Variants in IL2RA observed in about 807,000 individuals in gnomAD.
The protein encoded by IL2RA is interleukin-2 receptor subunit alpha.
A neutral mutation model predicts 37.8 loss-of-function variants in IL2RA; 24 were observed. That is an observed-to-expected ratio of 0.63 (90% CI 0.46 to 0.89). The LOEUF (loss-of-function observed/expected upper bound fraction) is 0.89. IL2RA is among the 40% of genes least tolerant of loss of function. IL2RA has a pLI of 0.00. For synonymous variants in IL2RA, 125 were observed against 114.6 expected (o/e 1.09, Z -0.58); for missense variants, 319 against 348.6 (o/e 0.92, Z 0.68).
At position 6,048,469 on chromosome 10, in the gene IL2RA, T is replaced by C. The variant is rs1839900227; in HGVS notation, c.64+13619A>G. Among the ~76,000 whole-genome samples the C allele has an allele frequency of 6.6e-6, 1 of 152,238 alleles. No homozygotes were observed. On this transcript the variant is annotated intron_variant, in intron 1 of 7. Transcript: ENST00000379959. This position sits in a 1 kb window ranked among gnomAD's most constrained non-coding sequence, Gnocchi z 5.3. ...CGGAAAGGTCCGAGGGAAGGGCCTTTGGCCATGCAGACTAGAAGCCCAGCA... is the reference window on the plus strand; with the variant it reads ...CGGAAAGGTCCGAGGGAAGGGCCTTCGGCCATGCAGACTAGAAGCCCAGCA...
In IL2RA at chr10:6,015,816, A is replaced by G. The variant is rs1468847494; in HGVS notation, c.794+2237T>C. ...GATGCATATGTATTAGATACATCTG[A>G]GGGGCTTTAAAACGTACGACTATCC... On this transcript the variant is annotated intron_variant, in intron 7 of 7. Transcript: ENST00000379959. This position sits in a 1 kb window ranked among gnomAD's most constrained non-coding sequence, Gnocchi z 4.9. Among the ~76,000 whole-genome samples, 2 of 152,140 alleles carry G rather than the reference A, an allele frequency of 1.3e-5. No individual in the cohort carries two copies. Among genetic ancestry groups the G allele is most frequent in the African/African-American group, 2.4e-5 (1 of 41,426 alleles).
chr10:6,012,406 A>G lies in IL2RA; in HGVS notation c.*466T>C, dbSNP rs1839204403. On this transcript the variant is annotated 3_prime_UTR_variant, in exon 8 of 8. Transcript: ENST00000379959. The surrounding 1 kb of genome is among the most constrained non-coding windows in gnomAD (Gnocchi z 4.8). Reference sequence around the variant, plus strand: ...AGCGGCTGAGAAAGGAACCACGCAGACAATGTCCAGTTGTATAGGGTAGAG... The same window carrying G: ...AGCGGCTGAGAAAGGAACCACGCAGGCAATGTCCAGTTGTATAGGGTAGAG... 6.0e-6 allele frequency: 1 copy of G among 167,768 alleles called. No individual in the cohort carries two copies. The highest frequency in any genetic ancestry group is 1.6e-4 in the South Asian group (1 of 6,330). The allele number at this position is 167,768 out of a possible 1,614,324, so 10.4% of individuals were successfully genotyped here. A position where few individuals can be genotyped will look rare whatever the true frequency, so the allele number is the denominator to read the frequency against.
intron 1 of IL2RA, among the ~76,000 whole-genome samples, chr10:6,061,197 T>C (rs1424584446): frequency 6.6e-6 from 1 of 152,070 alleles, no homozygotes; most frequent in African/African-American, 2.4e-5. Context: ...AAGACCAGCT[T>C]GGGCAACATG....
chr10:6,053,957 C>T (rs74394639), intron 1 of IL2RA, among the ~76,000 whole-genome samples: 359 of 152,352 alleles, frequency 2.4e-3, no homozygotes, highest in Non-Finnish European at 4.0e-3. Context: ...CGAGCTCATC[C>T]GGCCACACCT....
rs911677386 is a variant in IL2RA, at chr10:6,046,326, A to C, written c.64+15762T>G. Reference sequence around the variant, plus strand: ...GGTCCTGGCGCTTTCAGATACTACCATGATCTGCTAGTCTACTGTGATTTT... The same window carrying C: ...GGTCCTGGCGCTTTCAGATACTACCCTGATCTGCTAGTCTACTGTGATTTT... On this transcript the variant is annotated intron_variant, in intron 1 of 7. Coordinates refer to ENST00000379959, the MANE Select transcript of IL2RA (RefSeq NM_000417.3). The surrounding 1 kb of genome is among the most constrained non-coding windows in gnomAD (Gnocchi z 4.8). Among the ~76,000 whole-genome samples, 1 of 152,188 alleles carries C rather than the reference A, an allele frequency of 6.6e-6. No homozygotes were observed. Among genetic ancestry groups the C allele is most frequent in the African/African-American group, 2.4e-5 (1 of 41,446 alleles).
At chr10:6,050,014 G>C (rs147873573) in intron 1 of IL2RA, among the ~76,000 whole-genome samples, 4 of 152,270 alleles carry the variant, frequency 2.6e-5, no homozygotes, top group South Asian at 2.1e-4. Flanking sequence ...TATGTGCTGA[G>C]GGAACAGTCT....
intron 1 of IL2RA, among the ~76,000 whole-genome samples, chr10:6,050,513 G>A (rs112720474): frequency 0.018 from 2,694 of 152,174 alleles, 86 homozygotes; most frequent in African/African-American, 0.061. Flanking sequence ...TGGCGATGGG[G>A]CATGCCTGTA....
rs562926945 is a variant in IL2RA at position 6,015,476 on chromosome 10, G to A, written c.794+2577C>T. On this transcript the variant is annotated intron_variant, in intron 7 of 7. Transcript: ENST00000379959. This position sits in a 1 kb window ranked among gnomAD's most constrained non-coding sequence, Gnocchi z 4.9. ...CAGCGTCAGTATCACCTGGGAACCT[G>A]ATAGAAATACAGATTCCTGGACCTA... Among the ~76,000 whole-genome samples, 1 of 152,296 alleles carries A rather than the reference G, an allele frequency of 6.6e-6. No homozygotes were observed. The highest frequency in any genetic ancestry group is 2.1e-4 in the South Asian group (1 of 4,826).
In IL2RA at chr10:6,035,578, A is replaced by G. The variant is rs560804120; in HGVS notation, c.65-9553T>C. ...CTGGACACTGTTAAGGTGAGAAAAGAAAAGAAATCGGGGCTCCCAGGAGGA... is the reference window on the plus strand; with the variant it reads ...CTGGACACTGTTAAGGTGAGAAAAGGAAAGAAATCGGGGCTCCCAGGAGGA... On this transcript the variant is annotated intron_variant, in intron 1 of 7. Transcript: ENST00000379959. This position sits in a 1 kb window ranked among gnomAD's most constrained non-coding sequence, Gnocchi z 5.4. Among the ~76,000 whole-genome samples the G allele has an allele frequency of 1.3e-5, 2 of 152,300 alleles. No individual in the cohort carries two copies. The highest frequency in any genetic ancestry group is 3.9e-4 in the East Asian group (2 of 5,162).
rs570123013 is a variant in IL2RA at position 6,057,303 on chromosome 10, G to A, written c.64+4785C>T. Reference sequence around the variant, plus strand: ...AGCAGTGGGTCATGCTGGCTGCCAGGCAGTACTTCTTCAGAGCTGGAAATA... The same window carrying A: ...AGCAGTGGGTCATGCTGGCTGCCAGACAGTACTTCTTCAGAGCTGGAAATA... On this transcript the variant is annotated intron_variant, in intron 1 of 7. Transcript: ENST00000379959. This position sits in a 1 kb window ranked among gnomAD's most constrained non-coding sequence, Gnocchi z 4.8. 2.3e-4 allele frequency among the ~76,000 whole-genome samples: 35 copies of A among 152,304 alleles called. No individual in the cohort carries two copies. The highest frequency in any genetic ancestry group is 7.9e-4 in the African/African-American group (33 of 41,564).
chr10:6,025,944 C>T lies in IL2RA; in HGVS notation c.146G>A (p.Cys49Tyr). The T allele has an allele frequency of 6.2e-7, 1 of 1,614,190 alleles. No homozygotes were observed. The highest frequency in any genetic ancestry group is 8.5e-7 in the Non-Finnish European group (1 of 1,180,030). The part of the protein sequence containing the change: ...MAYKEGTMLN[C>Y]ECKRGFRRIK... ...TCTGCGGAAACCTCTCTTGCATTCA[C>T]AGTTCAACATGGTTCCTTCCTTGTA... Residue 49 changes from cysteine to tyrosine, a missense_variant, in exon 2 of 8, where the codon TGT becomes TAT. By Grantham distance (194) the Cys-to-Tyr change is radical. Transcript: ENST00000379959. This position sits in a 1 kb window ranked among gnomAD's most constrained non-coding sequence, Gnocchi z 4.4.
rs1840076989 is a variant in IL2RA at position 6,058,236 on chromosome 10, G to C, written c.64+3852C>G. ...ATCAGGGGAGTGGGGTGGAGTAGTG[G>C]AGTTTTAGAGCTCAGCAACCGTTCT... On this transcript the variant is annotated intron_variant, in intron 1 of 7. Coordinates refer to ENST00000379959, the MANE Select transcript of IL2RA (RefSeq NM_000417.3). The surrounding 1 kb of genome is among the most constrained non-coding windows in gnomAD (Gnocchi z 4.2). 6.6e-6 allele frequency among the ~76,000 whole-genome samples: 1 copy of C among 152,186 alleles called. No homozygotes were observed. The highest frequency in any genetic ancestry group is 2.4e-5 in the African/African-American group (1 of 41,444).
intron 7 of IL2RA, chr10:6,016,990 CA>C (rs1252128200): frequency 1.3e-5 from 2 of 152,440 alleles, no homozygotes; most frequent in Non-Finnish European, 2.9e-5. Context: ...AGATTCCCCC[CA>C]AATTCAAAGT....
In IL2RA at chr10:6,024,401, A is replaced by T. The variant is rs12722690; in HGVS notation, c.257-47T>A. On this transcript the variant is annotated intron_variant, in intron 2 of 7. Transcript: ENST00000379959. ...ATGCAGATAATTTCACAAATGCTTC[A>T]TAGAAAACACTGTTCATGTATTCAT... 3.3e-4 allele frequency: 436 copies of T among 1,337,876 alleles called. 4 individuals carry two copies. In the African/African-American group the frequency reaches 5.2e-3, roughly 16 times the overall value. The allele number at this position is 1,337,876 out of a possible 1,614,324, so 82.9% of individuals were successfully genotyped here. A position where few individuals can be genotyped will look rare whatever the true frequency, so the allele number is the denominator to read the frequency against.
chr10:6,028,948 G>A lies in IL2RA; in HGVS notation c.65-2923C>T, dbSNP rs1440337137. ...TGGGAGGTGGAGGTTGCAGTCAGCC[G>A]AGCACCCCAGCCTGGGTTACAGAGT... On this transcript the variant is annotated intron_variant, in intron 1 of 7. Transcript: ENST00000379959. The surrounding 1 kb of genome is among the most constrained non-coding windows in gnomAD (Gnocchi z 4.1). Among the ~76,000 whole-genome samples, 3 of 147,874 alleles carry A rather than the reference G, an allele frequency of 2.0e-5. No homozygotes were observed. The highest frequency in any genetic ancestry group is 4.5e-5 in the Non-Finnish European group (3 of 67,300).
intron 1 of IL2RA, among the ~76,000 whole-genome samples, chr10:6,051,250 GC>G (rs1839950755): frequency 6.6e-6 from 1 of 152,086 alleles, no homozygotes; most frequent in Non-Finnish European, 1.5e-5. Context: ...AAGCCACCAG[GC>G]CTGCCCCCAG....
chr10:6,032,996 T>C (rs1204673237), intron 1 of IL2RA, among the ~76,000 whole-genome samples: 1 of 152,200 alleles, frequency 6.6e-6, no homozygotes, highest in Non-Finnish European at 1.5e-5. Flanking sequence ...GACTGATACG[T>C]CAAATACTGG....
rs1297698254 is a variant in IL2RA at position 6,022,245 on chromosome 10, G to C, written c.368-552C>G. 2.0e-5 allele frequency among the ~76,000 whole-genome samples: 3 copies of C among 152,158 alleles called. No individual in the cohort carries two copies. The highest frequency in any genetic ancestry group is 4.4e-5 in the Non-Finnish European group (3 of 68,030). On this transcript the variant is annotated intron_variant, in intron 3 of 7. Coordinates refer to ENST00000379959, the MANE Select transcript of IL2RA (RefSeq NM_000417.3). The surrounding 1 kb of genome is among the most constrained non-coding windows in gnomAD (Gnocchi z 4.7). ...GGGGACAACACCAAAGCCAGGAGGA[G>C]GGACGGGCTGAGGGAACCTCAGAGA...
chr10:6,019,972 G>T, intron 4 of IL2RA, 31 bp from the exon 5 acceptor site: 3 of 1,589,794 alleles, frequency 1.9e-6, no homozygotes, highest in Non-Finnish European at 2.6e-6. Flanking sequence ...TGCTGGTGGA[G>T]CTAAACACAG....
Sources: gnomAD v4.1 joint callset for allele counts (sites outside exome capture counted in the v4.1 genomes callset) on GRCh38, gnomAD v4.1.1 for gene constraint, Gnocchi (gnomAD v3.1) non-coding constraint, MANE v1.5 for transcripts, NCBI Gene and HGNC (gene_info 2026-07-23, HGNC 2026-07-21) for gene names.